Variants in NKD1 observed in about 807,000 individuals in gnomAD.
NKD1 encodes the protein protein naked cuticle homolog 1.
Under a neutral mutation model 56.0 loss-of-function variants are expected in NKD1, and 21 were observed. The ratio of observed to expected loss-of-function variants is 0.38; its 90% CI spans 0.27 to 0.54. The LOEUF (loss-of-function observed/expected upper bound fraction) is 0.54, where lower values mean the gene tolerates loss of function less well. Ranked by LOEUF, NKD1 falls within the 20% of genes least tolerant of loss-of-function variation. NKD1 has a pLI of 0.82. For missense variants in NKD1, 578 were observed against 642.7 expected (o/e 0.90, Z 1.09); for synonymous variants, 263 against 265.7 (o/e 0.99, Z 0.10).
intron 3 of NKD1, among the ~76,000 whole-genome samples, chr16:50,596,914 C>G (rs1042884461): frequency 6.6e-6 from 1 of 152,024 alleles, no homozygotes; most frequent in Non-Finnish European, 1.5e-5. Flanking sequence ...GTGTGAAGAC[C>G]CTGAATGGGG....
rs554299187 is a variant in NKD1 at position 50,580,835 on chromosome 16, G to T, written c.193-27459G>T. Among the ~76,000 whole-genome samples the T allele has an allele frequency of 3.9e-5, 6 of 152,330 alleles. No homozygotes were observed. In the South Asian group the frequency reaches 1.2e-3, roughly 32 times the overall value. ...GCCTGTGTCCCCCAGAGCCCCTGCA[G>T]TGCCCACCAACCCTGTTTCTCATTT... On this transcript the variant is annotated intron_variant, in intron 3 of 9. Coordinates refer to ENST00000268459, the MANE Select transcript of NKD1 (RefSeq NM_033119.5).
In NKD1 at chr16:50,633,304, C is replaced by T. The variant is rs1474492019; in HGVS notation, c.936C>T (p.Gly312=). ...AIHIPHRKPQ[G]VDPASFHFLD... ...ACATCCCACACCGAAAGCCCCAAGGCGTGGACCCGGCCTCCTTCCACTTCC... is the reference window on the plus strand; with the variant it reads ...ACATCCCACACCGAAAGCCCCAAGGTGTGGACCCGGCCTCCTTCCACTTCC... The change falls in exon 10 of 10, where the codon GGC becomes GGT. Residue 312 remains glycine (G), a synonymous_variant. Transcript: ENST00000268459. The surrounding 1 kb of genome is among the most constrained non-coding windows in gnomAD (Gnocchi z 4.9). 38 of 1,614,034 alleles carry T rather than the reference C, an allele frequency of 2.4e-5. No individual in the cohort carries two copies. The highest frequency in any genetic ancestry group is 3.1e-5 in the Non-Finnish European group (37 of 1,180,004).
intron 3 of NKD1, chr16:50,557,038 C>T (rs182621453): frequency 6.6e-6 from 1 of 152,304 alleles, no homozygotes; most frequent in Non-Finnish European, 1.5e-5. Flanking sequence ...TCCTCCCACC[C>T]TGCACCCTCC....
chr16:50,635,625 G>A lies in NKD1; in HGVS notation c.*1844G>A, dbSNP rs1962449931. 1 of 152,202 alleles carries A rather than the reference G, an allele frequency of 6.6e-6. No individual in the cohort carries two copies. Among genetic ancestry groups the A allele is most frequent in the Non-Finnish European group, 1.5e-5 (1 of 68,052 alleles). 9.4% of individuals were successfully genotyped at this position (152,202 alleles called of 1,614,324 possible). ...TTAATGACTGATGTGCCTGGGATTG[G>A]ATTAATACATTAATCCTTAGGACAG... is the stretch of plus-strand genomic sequence containing the variant. On this transcript the variant is annotated 3_prime_UTR_variant, in exon 10 of 10. Transcript: ENST00000268459. The surrounding 1 kb of genome is among the most constrained non-coding windows in gnomAD (Gnocchi z 4.1).
intron 3 of NKD1, among the ~76,000 whole-genome samples, chr16:50,596,496 T>C (rs1261123749): frequency 6.6e-6 from 1 of 152,264 alleles, no homozygotes; most frequent in African/African-American, 2.4e-5. Flanking sequence ...GGGAGCATTT[T>C]GGTGCCCGTC....
intron 8 of NKD1, among the ~76,000 whole-genome samples, 165 bp downstream of exon 8, chr16:50,631,075 C>T (rs1962334374): frequency 6.6e-6 from 1 of 152,254 alleles, no homozygotes; most frequent in Non-Finnish European, 1.5e-5. Context: ...CAAATAACTA[C>T]ATGTAGTCCA....
intron 3 of NKD1, among the ~76,000 whole-genome samples, chr16:50,589,395 C>A (rs1008108375): frequency 2.6e-5 from 4 of 152,162 alleles, no homozygotes; most frequent in African/African-American, 9.7e-5. Flanking sequence ...GCTTTTTAAG[C>A]CCACGCCTTC....
At chr16:50,552,806 CAG>C (rs1674387634) in intron 3 of NKD1, among the ~76,000 whole-genome samples, 1 of 152,202 alleles carries the variant, frequency 6.6e-6, no homozygotes, top group Admixed American at 6.5e-5. Context: ...GGCCTACAAA[CAG>C]GGAGTGATAG....
chr16:50,581,426 A>G (rs1961113290), intron 3 of NKD1, among the ~76,000 whole-genome samples: 1 of 152,192 alleles, frequency 6.6e-6, no homozygotes, highest in Non-Finnish European at 1.5e-5. Flanking sequence ...TTTGGCAAAC[A>G]GTGCTGCAGG....
In NKD1 at chr16:50,636,234, C is replaced by T. The variant is rs1245632634; in HGVS notation, c.*2453C>T. 3 of 152,104 alleles carry T rather than the reference C, an allele frequency of 2.0e-5. No homozygotes were observed. Among genetic ancestry groups the T allele is most frequent in the Non-Finnish European group, 2.9e-5 (2 of 68,048 alleles). 9.4% of individuals were successfully genotyped at this position (152,104 alleles called of 1,614,324 possible). A position where few individuals can be genotyped will look rare whatever the true frequency, so the allele number is the denominator to read the frequency against. On this transcript the variant is annotated 3_prime_UTR_variant, in exon 10 of 10. Transcript: ENST00000268459. ...AGATCGGACAGGAAGTAATGGCATC[C>T]CAGGCCCCGAATTGCTGCAACCCTG... is the stretch of plus-strand genomic sequence containing the variant.
chr16:50,596,680 T>TGGTCGAGTGCCTCC (rs1307967337), intron 3 of NKD1, among the ~76,000 whole-genome samples: 4 of 152,278 alleles, frequency 2.6e-5, no homozygotes, highest in African/African-American at 9.6e-5. Context: ...CAACACACGC[T>TGGTCGAGTGCCTCC]GGTCGAGTGC....
At chr16:50,564,372 G>T (rs1960712185) in intron 3 of NKD1, among the ~76,000 whole-genome samples, 1 of 152,232 alleles carries the variant, frequency 6.6e-6, no homozygotes, top group South Asian at 2.1e-4. Flanking sequence ...CTGCTGAGTT[G>T]GAGGCAGCAG....
chr16:50,564,601 A>G lies in NKD1; in HGVS notation c.192+15046A>G, dbSNP rs186845090. Among the ~76,000 whole-genome samples the G allele has an allele frequency of 2.8e-3, 430 of 152,286 alleles. 1 individual carries two copies. Among genetic ancestry groups the G allele is most frequent in the African/African-American group, 0.01 (420 of 41,566 alleles). ...CTGGGCCTTTTGCACTGATTGGCAC[A>G]TGGCAGATCCTCAAGAACATTTTCC... is the stretch of plus-strand genomic sequence containing the variant. On this transcript the variant is annotated intron_variant, in intron 3 of 9. Transcript: ENST00000268459.
At chr16:50,619,446 C>T (rs1209625524) in intron 4 of NKD1, among the ~76,000 whole-genome samples, 1 of 152,178 alleles carries the variant, frequency 6.6e-6, no homozygotes, top group Non-Finnish European at 1.5e-5. Flanking sequence ...ATCATATTCC[C>T]ATTTTACAGA....
intron 3 of NKD1, among the ~76,000 whole-genome samples, chr16:50,567,012 C>T (rs927702988): frequency 5.3e-5 from 8 of 151,486 alleles, no homozygotes; most frequent in Middle Eastern, 6.8e-3. Flanking sequence ...ATGGCCCCCC[C>T]CCTTTTTTTT....
intron 3 of NKD1, among the ~76,000 whole-genome samples, chr16:50,582,079 C>T (rs2151269469): frequency 6.6e-6 from 1 of 152,260 alleles, no homozygotes; most frequent in African/African-American, 2.4e-5. Flanking sequence ...AGCTCATGGA[C>T]CAGATGCCAG....
intron 3 of NKD1, among the ~76,000 whole-genome samples, chr16:50,555,164 C>T (rs1340908132): frequency 6.6e-6 from 1 of 152,040 alleles, no homozygotes; most frequent in East Asian, 1.9e-4. Context: ...GAAGAGCTGA[C>T]CGAGGCCCCA....
At chr16:50,588,765 G>A (rs1014744413) in intron 3 of NKD1, among the ~76,000 whole-genome samples, 9 of 151,654 alleles carry the variant, frequency 5.9e-5, no homozygotes, top group African/African-American at 1.2e-4. Context: ...CATCATGCCC[G>A]GCTAATTTTT....
intron 5 of NKD1, chr16:50,625,176 A>C: frequency 2.4e-6 from 1 of 410,450 alleles, no homozygotes. Flanking sequence ...CCTTGGTCCA[A>C]GTTCAGCTTT....
Sources: gnomAD v4.1 joint callset for allele counts (sites outside exome capture counted in the v4.1 genomes callset) on GRCh38, gnomAD v4.1.1 for gene constraint, Gnocchi (gnomAD v3.1) non-coding constraint, MANE v1.5 for transcripts, NCBI Gene and HGNC (gene_info 2026-07-23, HGNC 2026-07-21) for gene names.